The following GABRB1 variants were observed in gnomAD, a reference collection of about 807,000 sequenced individuals.
The protein encoded by GABRB1 is gamma-aminobutyric acid type A receptor subunit beta1.
A neutral mutation model predicts 51.6 loss-of-function variants in GABRB1; 17 were observed. The observed-to-expected ratio is 0.33, with a 90% CI of 0.23 to 0.49. GABRB1 has a LOEUF of 0.49. GABRB1 is among the 20% of genes least tolerant of loss of function. GABRB1 has a pLI of 0.99. For missense variants in GABRB1, 410 were observed against 600.6 expected, an observed-to-expected ratio of 0.68 and a Z score of 3.32; for synonymous variants, 247 against 218.9, an observed-to-expected ratio of 1.13 and a Z score of -1.14.
chr4:47,372,000 G>T (rs971988685), intron 5 of GABRB1, among the ~76,000 whole-genome samples: 7 of 152,112 alleles, frequency 4.6e-5, no homozygotes, highest in African/African-American at 1.7e-4. Flanking sequence ...TTTTTATTGT[G>T]AAATCTTTGC....
chr4:47,180,477 C>A (rs976345036), intron 4 of GABRB1, among the ~76,000 whole-genome samples: 3 of 151,948 alleles, frequency 2.0e-5, no homozygotes, highest in African/African-American at 7.2e-5. Context: ...TCCTGTGAAA[C>A]GGAAAGTAAT....
chr4:47,096,550 T>A (rs942971753), intron 3 of GABRB1, among the ~76,000 whole-genome samples: 6 of 152,138 alleles, frequency 3.9e-5, no homozygotes, highest in Non-Finnish European at 7.4e-5. Context: ...TATGTTACCT[T>A]ATGTGGCAAA....
chr4:47,039,097 T>C (rs185003283), intron 3 of GABRB1, among the ~76,000 whole-genome samples: 2 of 152,148 alleles, frequency 1.3e-5, no homozygotes, highest in Admixed American at 6.5e-5. Flanking sequence ...ATGTTTACGA[T>C]TAATTCATAT....
intron 4 of GABRB1, among the ~76,000 whole-genome samples, chr4:47,270,300 C>A (rs79100259): frequency 6.6e-6 from 1 of 152,090 alleles, no homozygotes; most frequent in Admixed American, 6.5e-5. Flanking sequence ...ATAATTCCTG[C>A]CTATTAGTAA....
chr4:47,095,442 C>T (rs960742040), intron 3 of GABRB1, among the ~76,000 whole-genome samples: 3 of 152,126 alleles, frequency 2.0e-5, no homozygotes, highest in African/African-American at 4.8e-5. Flanking sequence ...GCTACGTCTG[C>T]GAAGCCTGGT....
At chr4:47,040,112 C>G (rs910621830) in intron 3 of GABRB1, among the ~76,000 whole-genome samples, 8 of 152,148 alleles carry the variant, frequency 5.3e-5, no homozygotes, top group Non-Finnish European at 8.8e-5. Flanking sequence ...GTGTCCTCCA[C>G]TTTCATTTTA....
rs143378262 is a variant in GABRB1, at chr4:47,308,796, T to G, written c.462-11331T>G. ...CAGAGCATTCCATTCCAGGTAAACA[T>G]TTTCTTTGGCTTCTATGTTTATTTC... is the stretch of plus-strand genomic sequence containing the variant. On this transcript the variant is annotated intron_variant, in intron 4 of 8. Transcript: ENST00000295454. 1.9e-4 allele frequency among the ~76,000 whole-genome samples: 29 copies of G among 152,234 alleles called. No individual in the cohort carries two copies. In the East Asian group the frequency reaches 5.6e-3, roughly 29 times the overall value.
intron 5 of GABRB1, among the ~76,000 whole-genome samples, chr4:47,355,377 G>C (rs780722163): frequency 6.6e-6 from 1 of 152,008 alleles, no homozygotes; most frequent in African/African-American, 2.4e-5. Context: ...GTAGTGTCTA[G>C]ATGTCCGTGA....
At chr4:47,119,823 A>G (rs957347270) in intron 3 of GABRB1, among the ~76,000 whole-genome samples, 7 of 152,156 alleles carry the variant, frequency 4.6e-5, no homozygotes, top group African/African-American at 1.7e-4. Flanking sequence ...TAAAGGGTGT[A>G]TAAACACACA....
intron 5 of GABRB1, among the ~76,000 whole-genome samples, chr4:47,370,419 G>A (rs1049919828): frequency 1.3e-4 from 20 of 151,320 alleles, no homozygotes; most frequent in Admixed American, 2.0e-4. Flanking sequence ...CCTGGAAAGC[G>A]GAAGTCATAG....
intron 4 of GABRB1, among the ~76,000 whole-genome samples, chr4:47,227,037 G>T (rs1373272673): frequency 6.6e-6 from 1 of 152,158 alleles, no homozygotes; most frequent in East Asian, 1.9e-4. Context: ...AGAAAGGAGA[G>T]ACTATGCAAG....
intron 4 of GABRB1, among the ~76,000 whole-genome samples, chr4:47,190,279 A>G (rs1719387244): frequency 6.6e-6 from 1 of 152,138 alleles, no homozygotes; most frequent in Non-Finnish European, 1.5e-5. Context: ...AGGTTACTCA[A>G]CAGTGGAGAT....
intron 3 of GABRB1, among the ~76,000 whole-genome samples, chr4:47,076,403 A>G (rs1253094260): frequency 6.6e-6 from 1 of 152,180 alleles, no homozygotes; most frequent in African/African-American, 2.4e-5. Context: ...TTTCAAATAC[A>G]GAATGCTGAC....
chr4:47,016,868 G>T (rs1724763949), intron 1 of GABRB1, among the ~76,000 whole-genome samples: 2 of 152,150 alleles, frequency 1.3e-5, no homozygotes, highest in Admixed American at 6.6e-5. Context: ...GGGATTACAG[G>T]ACTGAGCCAC....
intron 5 of GABRB1, among the ~76,000 whole-genome samples, chr4:47,326,087 A>G (rs539112066): frequency 3.3e-5 from 5 of 152,182 alleles, no homozygotes; most frequent in Non-Finnish European, 7.3e-5. Flanking sequence ...GAAATCGCCT[A>G]CGATCCTGCT....
chr4:46,999,019 A>G (rs1724093985), intron 1 of GABRB1, among the ~76,000 whole-genome samples: 1 of 152,084 alleles, frequency 6.6e-6, no homozygotes, highest in Admixed American at 6.5e-5. Flanking sequence ...GTTAGTGTAT[A>G]TGTATGGTAT....
At chr4:47,384,416 T>TAAAA (rs59005369) in intron 5 of GABRB1, among the ~76,000 whole-genome samples, 1 of 122,376 alleles carries the variant, frequency 8.2e-6, no homozygotes, top group Non-Finnish European at 1.8e-5. Flanking sequence ...CACACCAAAA[T>TAAAA]AAAAAAAAAA....
chr4:47,235,476 G>A (rs1721294532), intron 4 of GABRB1, among the ~76,000 whole-genome samples: 2 of 151,742 alleles, frequency 1.3e-5, no homozygotes, highest in Non-Finnish European at 2.9e-5. Context: ...TTGAACCAGG[G>A]AGTCAGACGT....
At chr4:47,067,095 A>G (rs1291171087) in intron 3 of GABRB1, among the ~76,000 whole-genome samples, 1 of 152,224 alleles carries the variant, frequency 6.6e-6, no homozygotes, top group Non-Finnish European at 1.5e-5. Flanking sequence ...GTGACCAGGT[A>G]CATTGTTAAT....
Sources: allele counts gnomAD v4.1 joint callset (sites outside exome capture counted in the v4.1 genomes callset), GRCh38; gene constraint gnomAD v4.1.1; transcripts MANE v1.5; gene names NCBI Gene and HGNC (gene_info 2026-07-23, HGNC 2026-07-21).